The following PREX2 variants were observed in gnomAD, a reference collection of about 807,000 sequenced individuals.
PREX2 encodes the protein phosphatidylinositol 3,4,5-trisphosphate-dependent Rac exchanger 2 protein.
In PREX2, 107 loss-of-function variants were observed where a neutral mutation model predicts 203.2. The ratio of observed to expected loss-of-function variants is 0.53; its 90% confidence interval spans 0.45 to 0.62. PREX2 has a LOEUF of 0.62. PREX2 is among the 20% of genes least tolerant of loss of function. The pLI, the probability that PREX2 is intolerant of heterozygous loss-of-function variation, is 0.00. For synonymous variants in PREX2, 672 were observed against 663.6 expected, an observed-to-expected ratio of 1.01 and a Z score of -0.19; for missense variants, 1,777 against 1,955.9, an observed-to-expected ratio of 0.91 and a Z score of 1.72.
chr8:68,224,268 TG>T (rs1813013764), intron 38 of PREX2, among the ~76,000 whole-genome samples: 1 of 152,134 alleles, frequency 6.6e-6, no homozygotes, highest in African/African-American at 2.4e-5. Context: ...CCTTCCACGT[TG>T]GCCCCTCAAA....
intron 5 of PREX2, among the ~76,000 whole-genome samples, chr8:68,028,239 A>G (rs976710022): frequency 2.6e-5 from 4 of 151,700 alleles, no homozygotes; most frequent in Non-Finnish European, 4.4e-5. Flanking sequence ...ATATATATGC[A>G]TATATATAGG....
chr8:67,969,559 C>G (rs1361190713), intron 1 of PREX2, among the ~76,000 whole-genome samples: 1 of 152,130 alleles, frequency 6.6e-6, no homozygotes, highest in Non-Finnish European at 1.5e-5. Context: ...AAACTTACTT[C>G]CTGAGATGAT....
chr8:68,057,252 T>C, intron 10 of PREX2, among the ~76,000 whole-genome samples: 1 of 152,150 alleles, frequency 6.6e-6, no homozygotes, highest in Non-Finnish European at 1.5e-5. Context: ...CCTTCTGCCA[T>C]GATTGTAAGT....
At chr8:68,000,800 G>A (rs13271772) in intron 1 of PREX2, among the ~76,000 whole-genome samples, 87,317 of 151,814 alleles carry the variant, frequency 0.58, 25,383 homozygotes, top group South Asian at 0.66. Flanking sequence ...GGCCACATAC[G>A]TATAACCATG....
chr8:68,140,850 A>G (rs1381947594), intron 33 of PREX2, among the ~76,000 whole-genome samples: 5 of 152,238 alleles, frequency 3.3e-5, no homozygotes, highest in African/African-American at 7.2e-5. Flanking sequence ...CTCAAAAGCT[A>G]TATTTATAGC....
intron 1 of PREX2, among the ~76,000 whole-genome samples, chr8:67,963,102 A>G (rs954211246): frequency 1.5e-4 from 23 of 152,256 alleles, no homozygotes; most frequent in African/African-American, 4.8e-4. Context: ...TCAGCCTCCC[A>G]TGCAGATAAG....
intron 15 of PREX2, 73 bp from the exon 16 acceptor site, chr8:68,080,370 A>C: frequency 7.3e-7 from 1 of 1,362,620 alleles, no homozygotes; most frequent in Non-Finnish European, 1.0e-6. Context: ...TTAATTTGTA[A>C]ATGTCACTGC....
intron 37 of PREX2, among the ~76,000 whole-genome samples, chr8:68,208,972 A>G (rs1040762267): frequency 5.3e-5 from 8 of 151,734 alleles, no homozygotes; most frequent in African/African-American, 1.7e-4. Flanking sequence ...CAGGAGCCCA[A>G]GGCAGGAGGA....
At chr8:68,110,786 A>G (rs1183255775) in intron 25 of PREX2, 2 of 207,196 alleles carry the variant, frequency 9.7e-6, no homozygotes, top group Admixed American at 6.0e-5. Context: ...CATTAGATGC[A>G]TCATATTTTA....
At chr8:68,056,155 A>G (rs894473142) in intron 10 of PREX2, among the ~76,000 whole-genome samples, 181 bp downstream of exon 10, 8 of 152,116 alleles carry the variant, frequency 5.3e-5, no homozygotes, top group Non-Finnish European at 8.8e-5. Context: ...CAGGATCATG[A>G]CCAGGAAACT....
At chr8:68,108,922 A>G (rs556431699) in intron 24 of PREX2, 4 of 322,716 alleles carry the variant, frequency 1.2e-5, no homozygotes, top group South Asian at 1.1e-4. Flanking sequence ...GGAAGATATT[A>G]TGTTAAAGTG....
intron 38 of PREX2, among the ~76,000 whole-genome samples, chr8:68,220,995 T>G (rs1008213178): frequency 2.0e-5 from 3 of 151,620 alleles, no homozygotes; most frequent in African/African-American, 7.3e-5. Context: ...AATAGGTAAT[T>G]TTTTAATCCT....
intron 1 of PREX2, among the ~76,000 whole-genome samples, chr8:67,956,341 T>C (rs1269546628): frequency 6.6e-6 from 1 of 152,198 alleles, no homozygotes; most frequent in Non-Finnish European, 1.5e-5. Flanking sequence ...GCTGGCTTCA[T>C]GGATGCACAT....
intron 1 of PREX2, among the ~76,000 whole-genome samples, chr8:67,979,388 G>T (rs887367832): frequency 6.6e-6 from 1 of 151,940 alleles, no homozygotes; most frequent in Middle Eastern, 3.4e-3. Context: ...TTGCTTTTTT[G>T]GTGTATCACT....
At chr8:67,976,535 GAGAC>G (rs1806098917) in intron 1 of PREX2, among the ~76,000 whole-genome samples, 1 of 126,424 alleles carries the variant, frequency 7.9e-6, no homozygotes. Flanking sequence ...CAGAGAGAGA[GAGAC>G]GGGAGAGAGA....
chr8:68,182,707 T>TA lies in PREX2; in HGVS notation c.4347-9014dup, dbSNP rs1812108666. 5.3e-5 allele frequency among the ~76,000 whole-genome samples: 8 copies of TA among 152,028 alleles called. No individual in the cohort carries two copies. The South Asian group carries it at 1.5e-3, about 28-fold the overall frequency. On this transcript the variant is annotated intron_variant, in intron 35 of 39. Transcript: ENST00000288368. ...AGTTCAATACTACATTAAGAAGTAT[T>TA]AGGTACATGCCATGTTTCAGGCACT...
intron 23 of PREX2, 178 bp downstream of exon 23, chr8:68,100,021 A>G: frequency 1.4e-6 from 1 of 734,246 alleles, no homozygotes; most frequent in Non-Finnish European, 2.5e-6. Context: ...ACCTCATTTG[A>G]TCTTTGCAAA....
chr8:68,176,306 T>C (rs1392480139), intron 35 of PREX2, among the ~76,000 whole-genome samples: 1 of 152,178 alleles, frequency 6.6e-6, no homozygotes, highest in Non-Finnish European at 1.5e-5. Context: ...TGAAAAAATA[T>C]AGAAATATGC....
At chr8:68,097,323 CTTCT>C in intron 22 of PREX2, 122 bp downstream of exon 22, 1 of 724,540 alleles carries the variant, frequency 1.4e-6, no homozygotes, top group Non-Finnish European at 2.0e-6. Flanking sequence ...CTCATTCAAA[CTTCT>C]TTTTTTTTTT....
Sources: allele counts gnomAD v4.1 joint callset (sites outside exome capture counted in the v4.1 genomes callset), GRCh38; gene constraint gnomAD v4.1.1; transcripts MANE v1.5; gene names NCBI Gene and HGNC (gene_info 2026-07-23, HGNC 2026-07-21).